The following CALB2 variants were observed in gnomAD, a reference collection of about 807,000 sequenced individuals.
The protein encoded by CALB2 is calretinin.
In CALB2, 34 loss-of-function variants were observed where a neutral mutation model predicts 45.9. The ratio of observed to expected loss-of-function variants is 0.74; its 90% CI spans 0.56 to 0.99. The LOEUF is 0.99. Among genes scored for constraint, CALB2 ranks in the 50% least tolerant of loss-of-function variants. The probability of loss-of-function intolerance (pLI) is 0.00; values close to 1 mark genes in which losing one functional copy is unlikely to be tolerated. For missense variants in CALB2, 344 were observed against 339.3 expected (o/e 1.01, Z -0.11); for synonymous variants, 142 against 129.6 (o/e 1.10, Z -0.65).
chr16:71,389,696 T>C (rs2042613846), intron 10 of CALB2, 53 bp from the exon 11 acceptor site: 2 of 1,307,148 alleles, frequency 1.5e-6, no homozygotes, highest in Admixed American at 1.7e-5. Flanking sequence ...GTGGGCTCCT[T>C]GCGTCGGGAC....
At chr16:71,377,850 G>A in intron 4 of CALB2, 103 bp downstream of exon 4, 1 of 772,906 alleles carries the variant, frequency 1.3e-6, no homozygotes, top group Admixed American at 2.2e-5. Context: ...CCTGGGAGAT[G>A]CTAAACCCCT....
chr16:71,389,277 C>A (rs1431217221), intron 10 of CALB2, among the ~76,000 whole-genome samples: 2 of 151,962 alleles, frequency 1.3e-5, no homozygotes, highest in African/African-American at 2.4e-5. Flanking sequence ...GACCAGGGAG[C>A]TTTCCTGGCA....
intron 8 of CALB2, 74 bp downstream of exon 8, chr16:71,384,452 C>T (rs1467360627): frequency 9.6e-6 from 12 of 1,244,372 alleles, no homozygotes; most frequent in Admixed American, 1.7e-5. Flanking sequence ...CTTCCCCCAA[C>T]GCACCACACA....
At chr16:71,385,344 A>T in intron 9 of CALB2, 1 of 466,540 alleles carries the variant, frequency 2.1e-6, no homozygotes, top group Non-Finnish European at 3.8e-6. Flanking sequence ...TAAATTTTCA[A>T]CGCACATGAA....
intron 10 of CALB2, 147 bp downstream of exon 10, chr16:71,385,795 T>C (rs145915572): frequency 1.7e-6 from 1 of 604,902 alleles, no homozygotes; most frequent in African/African-American, 1.9e-5. Context: ...GGGTTTGCTT[T>C]TGGTTTTTTG....
intron 10 of CALB2, 140 bp from the exon 11 acceptor site, chr16:71,389,609 C>A: frequency 2.6e-6 from 2 of 766,686 alleles, no homozygotes; most frequent in South Asian, 2.7e-5. Context: ...AAAATCCATG[C>A]TTTGCATTCA....
At chr16:71,370,298 TC>T (rs2042333371) in intron 1 of CALB2, among the ~76,000 whole-genome samples, 1 of 152,182 alleles carries the variant, frequency 6.6e-6, no homozygotes, top group African/African-American at 2.4e-5. Context: ...GGGTAAATGC[TC>T]CTTTATTTTC....
rs367943224 is a variant in CALB2, at chr16:71,390,233, C to T, written c.*368C>T. 20 of 178,104 alleles carry T rather than the reference C, an allele frequency of 1.1e-4. 1 individual carries two copies. In the East Asian group the frequency reaches 1.1e-3, roughly 10 times the overall value. 11.0% of individuals were successfully genotyped at this position (178,104 alleles called of 1,614,324 possible). A position where few individuals can be genotyped will look rare whatever the true frequency, so the allele number is the denominator to read the frequency against. ...CGCTCCCCTCTGCCGGTCCCCCATG[C>T]CACCACCCACCCCAAACTTCCAGGT... On this transcript the variant is annotated 3_prime_UTR_variant, in exon 11 of 11. Coordinates refer to ENST00000302628, the MANE Select transcript of CALB2 (RefSeq NM_001740.5).
At chr16:71,389,055 A>G (rs7198315) in intron 10 of CALB2, among the ~76,000 whole-genome samples, 107,684 of 142,346 alleles carry the variant, frequency 0.76, 40,736 homozygotes, top group Admixed American at 0.83. Flanking sequence ...AGGTGCGGTG[A>G]CTCACACCTG....
At position 71,377,650 on chromosome 16, in the gene CALB2, T is replaced by G; in HGVS notation, c.262-17T>G. ...AGTCCCTCCATAACGTTAGTGTCGC[T>G]CTCTGTATCTTCACAGCTGGCGCAG... is the stretch of plus-strand genomic sequence containing the variant. On this transcript the variant is annotated splice_polypyrimidine_tract_variant and intron_variant, in intron 3 of 10. Coordinates refer to ENST00000302628, the MANE Select transcript of CALB2 (RefSeq NM_001740.5). 1 of 1,600,186 alleles carries G rather than the reference T, an allele frequency of 6.2e-7. No homozygotes were observed. The highest frequency in any genetic ancestry group is 1.3e-5 in the African/African-American group (1 of 74,718).
At chr16:71,386,979 T>C (rs1008572884) in intron 10 of CALB2, among the ~76,000 whole-genome samples, 17 of 152,356 alleles carry the variant, frequency 1.1e-4, no homozygotes, top group African/African-American at 4.1e-4. Context: ...GTTTGAACTT[T>C]TTTCTTGGCA....
intron 3 of CALB2, among the ~76,000 whole-genome samples, chr16:71,375,564 G>A (rs2042400903): frequency 6.6e-6 from 1 of 152,122 alleles, no homozygotes; most frequent in African/African-American, 2.4e-5. Context: ...AAATAAATAA[G>A]AATGATGATG....
At chr16:71,361,701 T>C (rs1346353028) in intron 1 of CALB2, among the ~76,000 whole-genome samples, 1 of 151,986 alleles carries the variant, frequency 6.6e-6, no homozygotes. Context: ...AGAGGGAGGA[T>C]GGGGGCAGGA....
intron 4 of CALB2, among the ~76,000 whole-genome samples, chr16:71,381,805 G>A (rs1475343615): frequency 2.0e-5 from 3 of 151,980 alleles, no homozygotes; most frequent in Non-Finnish European, 4.4e-5. Flanking sequence ...CTTGAACTCA[G>A]GAGTTTGGAG....
At position 71,383,278 on chromosome 16, in the gene CALB2, T is replaced by C. The variant is rs915450474; in HGVS notation, c.400-89T>C. On this transcript the variant is annotated intron_variant, in intron 5 of 10. Transcript: ENST00000302628. The stretch of plus-strand genomic sequence containing the variant: ...ACCTGAAAAACACACACACACACAT[T>C]GAGAGACTGTCTGAATGAGCAAGTA... 5 of 1,164,470 alleles carry C rather than the reference T, an allele frequency of 4.3e-6. No homozygotes were observed. The African/African-American group carries it at 6.1e-5, about 14-fold the overall frequency. 72.1% of individuals were successfully genotyped at this position (1,164,470 alleles called of 1,614,324 possible).
intron 4 of CALB2, among the ~76,000 whole-genome samples, chr16:71,381,270 TG>T (rs1056739651): frequency 7.9e-5 from 12 of 152,208 alleles, no homozygotes; most frequent in Admixed American, 4.6e-4. Context: ...GCAGACTTTC[TG>T]GCTATGGGAA....
chr16:71,383,840 G>T (rs541181606), intron 6 of CALB2, 130 bp from the exon 7 acceptor site: 1 of 1,049,498 alleles, frequency 9.5e-7, no homozygotes. Context: ...TTGGTTCTTG[G>T]CCCCTACGGA....
At chr16:71,382,899 C>T in intron 5 of CALB2, 124 bp downstream of exon 5, 1 of 816,732 alleles carries the variant, frequency 1.2e-6, no homozygotes, top group Non-Finnish European at 2.0e-6. Context: ...TCAGACCTGG[C>T]ACTGAATTGT....
chr16:71,377,897 G>T (rs9929629), intron 4 of CALB2, 150 bp downstream of exon 4: 220,237 of 580,676 alleles, frequency 0.38, 44,016 homozygotes, highest in Admixed American at 0.54. Context: ...CCGTGGACCG[G>T]CAGCATCAGT....
Sources: gnomAD v4.1 joint callset for allele counts (sites outside exome capture counted in the v4.1 genomes callset) on GRCh38, gnomAD v4.1.1 for gene constraint, MANE v1.5 for transcripts, NCBI Gene and HGNC (gene_info 2026-07-23, HGNC 2026-07-21) for gene names.